SAMD5: variants seen among roughly 807,000 people sequenced by gnomAD.
SAMD5 encodes sterile alpha motif domain containing 5.
Under a neutral mutation model 11.3 loss-of-function variants are expected in SAMD5, and 13 were observed. The observed-to-expected ratio is 1.15, with a 90% confidence interval of 0.75 to 1.83. The LOEUF is 1.83. SAMD5 is among the 40% of genes most tolerant of loss of function. The pLI is 0.00. For synonymous variants in SAMD5, 129 were observed against 111.3 expected, an observed-to-expected ratio of 1.16 and a Z score of -1.00; for missense variants, 255 against 239.1, an observed-to-expected ratio of 1.07 and a Z score of -0.44.
At position 147,566,920 on chromosome 6, in the gene SAMD5, T is replaced by G. The variant is rs1450779228; in HGVS notation, c.*2464T>G. The G allele has an allele frequency of 1.1e-6, 1 of 916,866 alleles. No homozygotes were observed. Among genetic ancestry groups the G allele is most frequent in the Non-Finnish European group, 1.3e-6 (1 of 768,052 alleles). 56.8% of individuals were successfully genotyped at this position (916,866 alleles called of 1,614,324 possible). On this transcript the variant is annotated 3_prime_UTR_variant, in exon 2 of 2. Coordinates refer to ENST00000367474, the MANE Select transcript of SAMD5 (RefSeq NM_001030060.3). ...AGAAGGAGTAATTTTTTCAGCGTTT[T>G]TCCTCTGTATCTAAACACCAATAAT...
At chr6:147,901,463 T>A in the SAMD5 span, among the ~76,000 whole-genome samples, 1 of 152,224 alleles carries the variant, frequency 6.6e-6, no homozygotes, top group African/African-American at 2.4e-5. Flanking sequence ...CTAAAGTTCA[T>A]TCTGTATTCA....
intron 1 of SAMD5, among the ~76,000 whole-genome samples, chr6:147,726,065 G>T (rs977429938): frequency 1.3e-5 from 2 of 152,140 alleles, no homozygotes; most frequent in Non-Finnish European, 2.9e-5. Flanking sequence ...TATTAGTATG[G>T]CATTATGAGT....
At chr6:147,830,251 C>CTTTTTTTTTTTTTTTTTTTTTTTTTTTT in the SAMD5 span, among the ~76,000 whole-genome samples, 4 of 84,934 alleles carry the variant, frequency 4.7e-5, no homozygotes, top group Non-Finnish European at 9.0e-5. Flanking sequence ...TTCTTTCTTT[C>CTTTTTTTTTTTTTTTTTTTTTTTTTTTT]TTTTTTTTTT....
the SAMD5 span, among the ~76,000 whole-genome samples, chr6:147,824,344 A>C: frequency 6.6e-6 from 1 of 152,212 alleles, no homozygotes. Flanking sequence ...AATTCCATGA[A>C]GTTTGGGCTT....
At chr6:147,591,624 A>G (rs1450981951) in intron 1 of SAMD5, among the ~76,000 whole-genome samples, 2 of 152,166 alleles carry the variant, frequency 1.3e-5, no homozygotes, top group Non-Finnish European at 2.9e-5. Flanking sequence ...GCATTCTAGC[A>G]CAAAACCAAT....
chr6:147,526,688 T>C (rs1788347207), intron 1 of SAMD5, among the ~76,000 whole-genome samples: 1 of 152,246 alleles, frequency 6.6e-6, no homozygotes, highest in Non-Finnish European at 1.5e-5. Context: ...GCTTTTTGTA[T>C]ATTCAGCAGC....
chr6:147,710,982 A>AGGAG (rs1791389910), intron 1 of SAMD5, among the ~76,000 whole-genome samples: 1 of 144,978 alleles, frequency 6.9e-6, no homozygotes, highest in Non-Finnish European at 1.5e-5. Context: ...GAAGGTGGGG[A>AGGAG]GGAGGGAGGG....
At chr6:147,766,773 G>T in the SAMD5 span, among the ~76,000 whole-genome samples, 1 of 152,194 alleles carries the variant, frequency 6.6e-6, no homozygotes, top group Admixed American at 6.5e-5. Context: ...TGACACTTGT[G>T]TAGAGCAATA....
At chr6:147,745,692 T>C in the SAMD5 span, among the ~76,000 whole-genome samples, 1 of 152,140 alleles carries the variant, frequency 6.6e-6, no homozygotes, top group African/African-American at 2.4e-5. Flanking sequence ...CCATCTTGTG[T>C]CTCACTAGTG....
At chr6:147,887,285 A>G in the SAMD5 span, among the ~76,000 whole-genome samples, 29 of 152,234 alleles carry the variant, frequency 1.9e-4, no homozygotes, top group Non-Finnish European at 1.6e-4. Flanking sequence ...AAGATAAAGA[A>G]CACAACCATC....
the SAMD5 span, among the ~76,000 whole-genome samples, chr6:147,856,676 G>A: frequency 2.0e-5 from 3 of 152,084 alleles, no homozygotes; most frequent in African/African-American, 4.8e-5. Context: ...AGATATGCTC[G>A]CTGAGCCAAA....
At chr6:147,623,909 G>A (rs563296687) in intron 1 of SAMD5, among the ~76,000 whole-genome samples, 7 of 151,496 alleles carry the variant, frequency 4.6e-5, no homozygotes, top group East Asian at 1.9e-4. Context: ...TTGCTCTGTC[G>A]CCCAGGCTCG....
At chr6:147,840,557 G>GA in the SAMD5 span, among the ~76,000 whole-genome samples, 1 of 152,216 alleles carries the variant, frequency 6.6e-6, no homozygotes, top group Non-Finnish European at 1.5e-5. Flanking sequence ...TAAAAGGGCT[G>GA]AAGTAACCTG....
the SAMD5 span, among the ~76,000 whole-genome samples, chr6:147,810,299 G>T: frequency 6.6e-6 from 1 of 152,082 alleles, no homozygotes; most frequent in African/African-American, 2.4e-5. Context: ...AGGATGCCAT[G>T]GTCCTAATAA....
the SAMD5 span, among the ~76,000 whole-genome samples, chr6:147,866,817 C>CA: frequency 7.2e-5 from 11 of 151,796 alleles, no homozygotes; most frequent in Non-Finnish European, 1.6e-4. Flanking sequence ...ATCGTAGACA[C>CA]AAAAAAAGAA....
the SAMD5 span, among the ~76,000 whole-genome samples, chr6:147,833,997 G>A: frequency 6.6e-6 from 1 of 152,184 alleles, no homozygotes; most frequent in East Asian, 1.9e-4. Context: ...TCTGAATATT[G>A]CAGAGAAGAT....
intron 1 of SAMD5, among the ~76,000 whole-genome samples, chr6:147,617,538 A>T (rs1290642746): frequency 6.6e-6 from 1 of 152,260 alleles, no homozygotes; most frequent in East Asian, 1.9e-4. Flanking sequence ...ATTGCTCCAC[A>T]GTGCTTTAAA....
At chr6:147,562,864 G>A (rs892129344) in intron 1 of SAMD5, among the ~76,000 whole-genome samples, 1 of 151,978 alleles carries the variant, frequency 6.6e-6, no homozygotes, top group African/African-American at 2.4e-5. Flanking sequence ...GTGTTACCTT[G>A]TTTATATTCA....
intron 1 of SAMD5, among the ~76,000 whole-genome samples, chr6:147,624,912 T>C (rs1259374046): frequency 6.6e-6 from 1 of 151,024 alleles, no homozygotes; most frequent in Non-Finnish European, 1.5e-5. Flanking sequence ...AACTAAAACA[T>C]GGTTAGATTA....
Sources: allele counts gnomAD v4.1 joint callset (sites outside exome capture counted in the v4.1 genomes callset), GRCh38; gene constraint gnomAD v4.1.1; transcripts MANE v1.5; gene names NCBI Gene and HGNC (gene_info 2026-07-23, HGNC 2026-07-21).